Variants in FAF1 observed in about 807,000 individuals in gnomAD.
The protein encoded by FAF1 is Fas associated factor 1.
In FAF1, 25 loss-of-function variants were observed where a neutral mutation model predicts 92.5. That is an observed-to-expected ratio of 0.27 (90% CI 0.20 to 0.38). The LOEUF (loss-of-function observed/expected upper bound fraction) is 0.38, where lower values mean the gene tolerates loss of function less well. Among genes scored for constraint, FAF1 ranks in the 10% least tolerant of loss-of-function variants. The probability of loss-of-function intolerance (pLI) is 1.00; values close to 1 mark genes in which losing one functional copy is unlikely to be tolerated. For synonymous variants in FAF1, 234 were observed against 273.2 expected, an observed-to-expected ratio of 0.86 and a Z score of 1.42; for missense variants, 636 against 793.3, an observed-to-expected ratio of 0.80 and a Z score of 2.38.
intron 2 of FAF1, among the ~76,000 whole-genome samples, chr1:50,835,756 T>C (rs995091920): frequency 6.6e-6 from 1 of 152,160 alleles, no homozygotes; most frequent in East Asian, 1.9e-4. Flanking sequence ...AAAACATTAC[T>C]TCTCTTCCCC....
chr1:50,804,695 G>C (rs1196985721), intron 2 of FAF1, among the ~76,000 whole-genome samples: 1 of 152,134 alleles, frequency 6.6e-6, no homozygotes, highest in Non-Finnish European at 1.5e-5. Flanking sequence ...ACTGTAAGAA[G>C]AACAGCTGCA....
At chr1:50,816,632 T>C (rs1192166845) in intron 2 of FAF1, among the ~76,000 whole-genome samples, 1 of 152,212 alleles carries the variant, frequency 6.6e-6, no homozygotes, top group Non-Finnish European at 1.5e-5. Context: ...TTCTGTAGGT[T>C]GTTTGTTTAC....
intron 6 of FAF1, among the ~76,000 whole-genome samples, chr1:50,709,554 G>C (rs896261779): frequency 1.3e-5 from 2 of 152,128 alleles, no homozygotes; most frequent in Non-Finnish European, 2.9e-5. Context: ...CTTCTGAAAG[G>C]TTAATTGCCC....
intron 15 of FAF1, 39 bp from the exon 16 acceptor site, chr1:50,491,840 T>A: frequency 1.4e-6 from 2 of 1,412,326 alleles, no homozygotes; most frequent in Non-Finnish European, 2.0e-6. Flanking sequence ...GACATATAAC[T>A]TTTTTTTGAA....
chr1:50,843,826 C>A (rs1644276041), intron 2 of FAF1, among the ~76,000 whole-genome samples: 1 of 151,980 alleles, frequency 6.6e-6, no homozygotes, highest in South Asian at 2.1e-4. Flanking sequence ...CTACTGTGAA[C>A]AGTACTGCAA....
At chr1:50,894,372 G>A (rs888782556) in intron 1 of FAF1, among the ~76,000 whole-genome samples, 4 of 150,570 alleles carry the variant, frequency 2.7e-5, no homozygotes, top group Non-Finnish European at 5.9e-5. Context: ...ATGCTGTCAG[G>A]CCTGGGACTC....
Position 50,582,391 on chromosome 1 carries a change from A to G in FAF1, c.1113+227T>C, listed in dbSNP as rs909766074. 10 of 441,708 alleles carry G rather than the reference A, an allele frequency of 2.3e-5. No individual in the cohort carries two copies. The East Asian group carries it at 3.2e-4, about 14-fold the overall frequency. The allele number at this position is 441,708 out of a possible 1,614,324, so 27.4% of individuals were successfully genotyped here. On this transcript the variant is annotated intron_variant, in intron 12 of 18. Transcript: ENST00000396153. Reference sequence around the variant, plus strand: ...AAATAAAGTCTCCAATCTCAAAATGAAAACAGAAAACGGTGCTTGCTTCAG... The same window carrying G: ...AAATAAAGTCTCCAATCTCAAAATGGAAACAGAAAACGGTGCTTGCTTCAG...
At chr1:50,525,618 G>T (rs1302371773) in intron 15 of FAF1, among the ~76,000 whole-genome samples, 1 of 152,142 alleles carries the variant, frequency 6.6e-6, no homozygotes, top group Admixed American at 6.5e-5. Flanking sequence ...TGGAATCCTT[G>T]CTTTTTTCCT....
chr1:50,634,848 G>A (rs1456467003), intron 8 of FAF1, among the ~76,000 whole-genome samples: 3 of 152,168 alleles, frequency 2.0e-5, no homozygotes, highest in African/African-American at 7.2e-5. Flanking sequence ...GGAGTTCACA[G>A]TCTCATAGAA....
chr1:50,780,609 C>T, intron 4 of FAF1: 1 of 202,910 alleles, frequency 4.9e-6, no homozygotes, highest in Non-Finnish European at 1.0e-5. Flanking sequence ...GTCAGTGTAA[C>T]TGCACATCCT....
chr1:50,458,009 T>C (rs1646377768), intron 18 of FAF1, among the ~76,000 whole-genome samples: 1 of 151,096 alleles, frequency 6.6e-6, no homozygotes, highest in Admixed American at 6.6e-5. Context: ...AGGTCGGGAG[T>C]TCAAAACCAG....
chr1:50,931,584 G>A (rs1645047441), intron 1 of FAF1, among the ~76,000 whole-genome samples: 3 of 152,136 alleles, frequency 2.0e-5, no homozygotes, highest in South Asian at 4.1e-4. Flanking sequence ...AGAATAGCAC[G>A]TGGGTGGGCG....
At chr1:50,836,308 A>G (rs957843278) in intron 2 of FAF1, among the ~76,000 whole-genome samples, 1 of 151,410 alleles carries the variant, frequency 6.6e-6, no homozygotes, top group Non-Finnish European at 1.5e-5. Context: ...AGTGCTGGGT[A>G]TAATAGCATG....
intron 12 of FAF1, among the ~76,000 whole-genome samples, chr1:50,578,751 C>T (rs1160535110): frequency 6.6e-6 from 1 of 152,068 alleles, no homozygotes; most frequent in Non-Finnish European, 1.5e-5. Context: ...TCACAGAATT[C>T]TGAGGTAACA....
chr1:50,655,032 G>A (rs540437031), intron 8 of FAF1, among the ~76,000 whole-genome samples: 30 of 150,510 alleles, frequency 2.0e-4, no homozygotes, highest in African/African-American at 6.1e-4. Flanking sequence ...GTGCAATGGC[G>A]CAATCTCGGC....
Position 50,606,489 on chromosome 1 carries a change from CTTTTTTTTTTTTTTT to C in FAF1, c.745-10288_745-10274del, listed in dbSNP as rs34498946. Among the ~76,000 whole-genome samples, 31 of 58,558 alleles carry C rather than the reference CTTTTTTTTTTTTTTT, an allele frequency of 5.3e-4. No homozygotes were observed. The South Asian group carries it at 0.012, about 23-fold the overall frequency. The allele number at this position is 58,558 out of a possible 152,430, so 38.4% of individuals were successfully genotyped here. On this transcript the variant is annotated intron_variant, in intron 8 of 18. Transcript: ENST00000396153. ...AGATATATTGTAGCTGTGAGAGTTG[CTTTTTTTTTTTTTTT>C]TTTTTTTTTTTTGAGACGGAGTTTC...
chr1:50,554,096 T>C (rs1359943587), intron 13 of FAF1, among the ~76,000 whole-genome samples: 1 of 150,788 alleles, frequency 6.6e-6, no homozygotes, highest in Non-Finnish European at 1.5e-5. Flanking sequence ...GAACAAAAGG[T>C]CCATGGACTT....
At chr1:50,617,483 T>A (rs1652973360) in intron 8 of FAF1, among the ~76,000 whole-genome samples, 2 of 152,186 alleles carry the variant, frequency 1.3e-5, no homozygotes, top group African/African-American at 2.4e-5. Context: ...CAACTTTGCA[T>A]CCCAGGGATA....
At chr1:50,819,049 T>C (rs1349540945) in intron 2 of FAF1, among the ~76,000 whole-genome samples, 1 of 152,202 alleles carries the variant, frequency 6.6e-6, no homozygotes, top group East Asian at 1.9e-4. Flanking sequence ...GGCATCATGT[T>C]GGCATTCAAA....
Sources: gnomAD v4.1 joint callset for allele counts (sites outside exome capture counted in the v4.1 genomes callset) on GRCh38, gnomAD v4.1.1 for gene constraint, MANE v1.5 for transcripts, NCBI Gene and HGNC (gene_info 2026-07-23, HGNC 2026-07-21) for gene names.